The following ITGAE variants were observed in gnomAD, a reference collection of about 807,000 sequenced individuals.
The protein encoded by ITGAE is integrin subunit alpha E.
In ITGAE, 99 loss-of-function variants were observed where a neutral mutation model predicts 136.5. The observed-to-expected ratio is 0.73, with a 90% CI of 0.62 to 0.86. The LOEUF is 0.86. Ranked by LOEUF, ITGAE falls within the 40% of genes least tolerant of loss-of-function variation. The pLI, the probability that ITGAE is intolerant of heterozygous loss-of-function variation, is 0.00. For missense variants in ITGAE, 1,447 were observed against 1,515.3 expected (o/e 0.95, Z 0.75); for synonymous variants, 613 against 591.8 (o/e 1.04, Z -0.52).
At chr17:3,739,990 A>T in intron 19 of ITGAE, 112 bp from the exon 20 acceptor site, 10 of 808,738 alleles carry the variant, frequency 1.2e-5, no homozygotes, top group Non-Finnish European at 2.2e-5. Flanking sequence ...GCTCACCCTG[A>T]GAAGTGCAGT....
chr17:3,747,928 C>T lies in ITGAE; in HGVS notation c.2149G>A (p.Glu717Lys), dbSNP rs760239253. ...AGCTGGACCATTTTTTTACCTGACTCAGAGGCTGTGGTTACAGAGCTGATT... is the reference window on the plus strand; with the variant it reads ...AGCTGGACCATTTTTTTACCTGACTTAGAGGCTGTGGTTACAGAGCTGATT... ...FEISSVTTAS[E>K]SGLREALLNF... is the part of the protein sequence containing the mutation. The change falls in exon 17 of 31, where the codon GAG (glutamate) becomes AAG (lysine). Residue 717 changes from glutamate to lysine, a missense_variant. Physicochemically the swap from Glu to Lys is moderately conservative, Grantham distance 56 (BLOSUM62 1). Around this residue, in one of 3 missense-constraint regions of ITGAE, gnomAD observed 1,031 missense variants for 1,011.4 expected, o/e 1.02. Transcript: ENST00000263087. 3.2e-6 allele frequency: 5 copies of T among 1,583,694 alleles called. No individual in the cohort carries two copies.
rs1426358785 is a variant in ITGAE, at chr17:3,732,430, G to A, written c.2692C>T (p.Pro898Ser). Residue 898 changes from proline to serine, a missense_variant, in exon 22 of 31, where the codon CCG (proline) becomes TCG (serine). This residue lies in a region of ITGAE where 1,031 missense variants were observed against 1,011.4 expected (regional missense o/e 1.02). Transcript: ENST00000263087. ...TTCATGATCAGGACAGAAGCAACCG[G>A]CTGAGGGTCATCACACTGAATGTTT... is the stretch of plus-strand genomic sequence containing the variant. ...SPNIQCDDPQ[P>S]VASVLIMNCR... is the part of the protein sequence containing the mutation. The A allele has an allele frequency of 1.2e-6, 2 of 1,614,132 alleles. No homozygotes were observed.
chr17:3,772,042 G>C (rs7209750), intron 2 of ITGAE, among the ~76,000 whole-genome samples: 20,139 of 152,022 alleles, frequency 0.13, 1,738 homozygotes, highest in African/African-American at 0.23. Context: ...TTTCATCACT[G>C]TCAGCTTTAG....
In ITGAE at chr17:3,753,790, C is replaced by A. The variant is rs778147391; in HGVS notation, c.1520G>T (p.Gly507Val). Residue 507 changes from glycine to valine, a missense_variant, in exon 13 of 31, where the codon GGA becomes GTA. This residue lies in a region of ITGAE where 1,031 missense variants were observed against 1,011.4 expected (regional missense o/e 1.02). Transcript: ENST00000263087. ...REASFLPVLE[G>V]EQMGSYFGSE... Reference sequence around the variant, plus strand: ...GCTTTCCCCAGCAGGTACCTGCTCTCCCTCCAGCACTGGCAGGAAGCTGGC... The same window carrying A: ...GCTTTCCCCAGCAGGTACCTGCTCTACCTCCAGCACTGGCAGGAAGCTGGC... 3.7e-5 allele frequency: 59 copies of A among 1,614,064 alleles called. No homozygotes were observed. The highest frequency in any genetic ancestry group is 4.7e-5 in the Non-Finnish European group (56 of 1,180,040).
chr17:3,723,948 C>T, intron 26 of ITGAE: 2 of 1,557,990 alleles, frequency 1.3e-6, no homozygotes, highest in South Asian at 1.2e-5. Context: ...GGCGGCTTCG[C>T]TCCCGGGACC....
At chr17:3,723,652 C>G (rs1232444278) in intron 27 of ITGAE, 36 bp downstream of exon 27, 16 of 1,539,596 alleles carry the variant, frequency 1.0e-5, no homozygotes, top group Non-Finnish European at 1.2e-5. Flanking sequence ...TCAGGCCCTC[C>G]GCCCTCCCCT....
At chr17:3,780,580 G>A (rs1188608209) in intron 1 of ITGAE, among the ~76,000 whole-genome samples, 2 of 151,712 alleles carry the variant, frequency 1.3e-5, no homozygotes, top group Non-Finnish European at 2.9e-5. Flanking sequence ...TTACAGGCGT[G>A]AGCCACTGCA....
intron 2 of ITGAE, among the ~76,000 whole-genome samples, chr17:3,771,463 A>G (rs1310323416): frequency 1.3e-5 from 2 of 151,362 alleles, no homozygotes; most frequent in Non-Finnish European, 2.9e-5. Context: ...CTTGATCTGC[A>G]TGCTGCTTAC....
At chr17:3,755,971 G>T in intron 10 of ITGAE, 74 bp from the exon 11 acceptor site, 1 of 1,437,868 alleles carries the variant, frequency 7.0e-7, no homozygotes. Flanking sequence ...GGACAGTCCA[G>T]CTTGGCCTCA....
intron 7 of ITGAE, 111 bp from the exon 8 acceptor site, chr17:3,759,664 G>C: frequency 7.5e-7 from 1 of 1,325,834 alleles, no homozygotes; most frequent in Admixed American, 1.9e-5. Flanking sequence ...CTTATCCCTG[G>C]GCAGAAAGAG....
chr17:3,740,760 T>C (rs1187407049), intron 19 of ITGAE, among the ~76,000 whole-genome samples: 1 of 152,256 alleles, frequency 6.6e-6, no homozygotes, highest in Non-Finnish European at 1.5e-5. Context: ...AAAGGCCCCA[T>C]GGAGGTTGAA....
Position 3,739,815 on chromosome 17 carries a change from T to C in ITGAE, c.2512A>G (p.Thr838Ala), listed in dbSNP as rs61731004. The C allele has an allele frequency of 2.3e-4, 371 of 1,613,958 alleles. No individual in the cohort carries two copies. Among genetic ancestry groups the C allele is most frequent in the Non-Finnish European group, 3.0e-4 (352 of 1,179,948 alleles). ...CTATGTCCAACTCACTGAGAGACGGTGGTGGCCAACTGTAATTCTGCGACA... is the reference window on the plus strand; with the variant it reads ...CTATGTCCAACTCACTGAGAGACGGCGGTGGCCAACTGTAATTCTGCGACA... ...FCVAELQLAT[T>A]VSQQELVVGL... The change falls in exon 20 of 31, where the codon ACC becomes GCC. Residue 838 changes from threonine to alanine, a missense_variant. This residue lies in a region of ITGAE where 1,031 missense variants were observed against 1,011.4 expected (regional missense o/e 1.02). Transcript: ENST00000263087.
At position 3,801,110 on chromosome 17, in the gene ITGAE, C is replaced by T. The variant is rs1359694322; in HGVS notation, c.34+1G>A. The T allele has an allele frequency of 6.2e-7, 1 of 1,612,926 alleles. No individual in the cohort carries two copies. The highest frequency in any genetic ancestry group is 1.1e-5 in the South Asian group (1 of 91,086). On this transcript the variant is annotated splice_donor_variant, in intron 1 of 30. Coordinates refer to ENST00000263087, the MANE Select transcript of ITGAE (RefSeq NM_002208.5). LOFTEE classifies it high-confidence loss of function. ...TCGAAGCAGCGGGTGAGAGGACTTA[C>T]TGGCTATGCAGAGCAGAGTGTGGAA...
At chr17:3,722,403 C>T (rs1244435469) in intron 28 of ITGAE, 1 of 151,676 alleles carries the variant, frequency 6.6e-6, no homozygotes, top group African/African-American at 2.4e-5. Flanking sequence ...ATCACTTGAA[C>T]CCGGGAGGCG....
At chr17:3,722,932 G>C (rs2051087411) in intron 28 of ITGAE, among the ~76,000 whole-genome samples, 1 of 152,230 alleles carries the variant, frequency 6.6e-6, no homozygotes, top group African/African-American at 2.4e-5. Context: ...GAAGGTTATT[G>C]CAACAGCCCT....
At chr17:3,793,367 G>T (rs1020797704) in intron 1 of ITGAE, among the ~76,000 whole-genome samples, 4 of 149,342 alleles carry the variant, frequency 2.7e-5, no homozygotes, top group African/African-American at 9.9e-5. Context: ...TCTTCATTTT[G>T]AGTTGGAGTC....
Position 3,755,191 on chromosome 17 carries a change from C to T in ITGAE, c.1310G>A (p.Ser437Asn), listed in dbSNP as rs748158958. Residue 437 changes from serine to asparagine, a missense_variant, in exon 12 of 31, where the codon AGC (serine) becomes AAC (asparagine). By Grantham distance (46) the Ser-to-Asn change is conservative. Coordinates refer to ENST00000263087, the MANE Select transcript of ITGAE (RefSeq NM_002208.5). ...CTGGTTCAGGAAGCGGCCCCGGCGG[C>T]TGCGTGTGTCGTAGAGCAACGCCCC... Reference protein sequence around the residue: ...SGGALLYDTRSRRGRFLNQTA... With the variant: ...SGGALLYDTRNRRGRFLNQTA... 5 of 1,579,540 alleles carry T rather than the reference C, an allele frequency of 3.2e-6. No homozygotes were observed. In the Admixed American group the frequency reaches 9.0e-5, roughly 29 times the overall value.
intron 2 of ITGAE, among the ~76,000 whole-genome samples, chr17:3,776,434 C>T (rs551330678): frequency 2.6e-5 from 4 of 152,296 alleles, no homozygotes; most frequent in East Asian, 1.9e-4. Flanking sequence ...TAGTTCCCCA[C>T]GCTGACTGCA....
rs144235391 is a variant in ITGAE, at chr17:3,774,233, C to A, written c.155+3307G>T. Among the ~76,000 whole-genome samples, 346 of 152,010 alleles carry A rather than the reference C, an allele frequency of 2.3e-3. 2 individuals carry two copies. The highest frequency in any genetic ancestry group is 7.8e-3 in the African/African-American group (323 of 41,502). On this transcript the variant is annotated intron_variant, in intron 2 of 30. Coordinates refer to ENST00000263087, the MANE Select transcript of ITGAE (RefSeq NM_002208.5). ...TCCTGTGTGCTGGGTGTGAAGGAAA[C>A]CCTTGACCACTGACCAGGAGCAAAG...
Sources: gnomAD v4.1 joint callset for allele counts (sites outside exome capture counted in the v4.1 genomes callset) on GRCh38, gnomAD v4.1.1 for gene constraint, gnomAD v4.1.1 regional missense constraint, MANE v1.5 for transcripts, NCBI Gene and HGNC (gene_info 2026-07-23, HGNC 2026-07-21) for gene names.